Variants in SORBS2 observed in about 807,000 individuals in gnomAD.
SORBS2 encodes sorbin and SH3 domain containing 2.
Under a neutral mutation model 97.7 loss-of-function variants are expected in SORBS2, and 46 were observed. The observed-to-expected ratio is 0.47, with a 90% confidence interval of 0.37 to 0.60. The LOEUF (loss-of-function observed/expected upper bound fraction) is 0.60, where lower values mean the gene tolerates loss of function less well. Among genes scored for constraint, SORBS2 ranks in the 20% least tolerant of loss-of-function variants. The pLI is 0.00. For missense variants in SORBS2, 1,316 were observed against 1,282.3 expected, an observed-to-expected ratio of 1.03 and a Z score of -0.40; for synonymous variants, 476 against 473.4, an observed-to-expected ratio of 1.01 and a Z score of -0.07.
intron 1 of SORBS2, among the ~76,000 whole-genome samples, chr4:185,951,384 C>T (rs948173619): frequency 1.3e-5 from 2 of 152,194 alleles, no homozygotes; most frequent in Admixed American, 1.3e-4. Context: ...TAATCCAGGG[C>T]CTTCCTCCAG....
intron 1 of SORBS2, among the ~76,000 whole-genome samples, chr4:185,938,843 C>A (rs189261083): frequency 1.8e-3 from 278 of 152,246 alleles, no homozygotes; most frequent in African/African-American, 6.5e-3. Flanking sequence ...ACATGCCTGG[C>A]AATACACCAG....
At chr4:185,851,341 A>AT (rs1478662273) in intron 1 of SORBS2, among the ~76,000 whole-genome samples, 1 of 152,160 alleles carries the variant, frequency 6.6e-6, no homozygotes, top group Non-Finnish European at 1.5e-5. Flanking sequence ...AGAAACAGGT[A>AT]TTTTTTAAAG....
At chr4:185,764,146 G>C (rs752123419) in intron 2 of SORBS2, among the ~76,000 whole-genome samples, 1 of 152,160 alleles carries the variant, frequency 6.6e-6, no homozygotes, top group Admixed American at 6.5e-5. Flanking sequence ...GGAAACTCAA[G>C]CATATCCAGC....
chr4:185,591,147 G>A (rs1323956009), intron 13 of SORBS2, among the ~76,000 whole-genome samples: 3 of 152,070 alleles, frequency 2.0e-5, no homozygotes, highest in Non-Finnish European at 2.9e-5. Context: ...GCTTCCCCCC[G>A]TTCATCCAGC....
intron 5 of SORBS2, among the ~76,000 whole-genome samples, chr4:185,628,893 A>G (rs953244221): frequency 6.6e-6 from 1 of 152,236 alleles, no homozygotes; most frequent in African/African-American, 2.4e-5. Flanking sequence ...GTACAGTATC[A>G]TTTAAGACCA....
At chr4:185,877,627 G>A (rs2099234319) in intron 1 of SORBS2, among the ~76,000 whole-genome samples, 1 of 152,028 alleles carries the variant, frequency 6.6e-6, no homozygotes. Flanking sequence ...ATCACTTGGG[G>A]AGGCCAAGAC....
At chr4:185,749,365 G>A (rs1584065280) in intron 2 of SORBS2, among the ~76,000 whole-genome samples, 1 of 152,346 alleles carries the variant, frequency 6.6e-6, no homozygotes, top group East Asian at 1.9e-4. Context: ...AGATTTAATT[G>A]TTTTGATCTT....
intron 1 of SORBS2, among the ~76,000 whole-genome samples, chr4:185,847,149 A>T (rs1238377218): frequency 6.6e-6 from 1 of 152,208 alleles, no homozygotes; most frequent in Non-Finnish European, 1.5e-5. Context: ...TTCAGTGTTG[A>T]TAGAGTCTGA....
chr4:185,913,991 A>C (rs974709398), intron 1 of SORBS2, among the ~76,000 whole-genome samples: 5 of 152,192 alleles, frequency 3.3e-5, no homozygotes, highest in Non-Finnish European at 7.3e-5. Flanking sequence ...TTCAGAGCAC[A>C]AACCTTCAAA....
rs1562279118 is a variant in SORBS2, at chr4:185,749,470, CTT to C, written c.-198+25755_-198+25756del. 1.4e-4 allele frequency among the ~76,000 whole-genome samples: 21 copies of C among 151,190 alleles called. No homozygotes were observed. The East Asian group carries it at 3.7e-3, about 26-fold the overall frequency. On this transcript the variant is annotated intron_variant, in intron 2 of 20. Transcript: ENST00000284776. ...AAGCAATGACAAGAAAGAAAAAAAACTTTTAAGATGAAATCCTGATGGGATTG... is the reference window on the plus strand; with the variant it reads ...AAGCAATGACAAGAAAGAAAAAAAACTTAAGATGAAATCCTGATGGGATTG...
At chr4:185,850,456 G>A (rs1293719780) in intron 1 of SORBS2, among the ~76,000 whole-genome samples, 1 of 152,226 alleles carries the variant, frequency 6.6e-6, no homozygotes, top group East Asian at 1.9e-4. Flanking sequence ...ATGACAGCAT[G>A]TAGCTCCTTG....
intron 2 of SORBS2, among the ~76,000 whole-genome samples, chr4:185,731,786 TCCTCCCTGCCTATCTCTTTCCCTC>T (rs2098634984): frequency 3.2e-5 from 1 of 31,674 alleles, no homozygotes; most frequent in African/African-American, 1.4e-4. Flanking sequence ...CTCTCTCTCT[TCCTCCCTGCCTATCTCTTTCCCTC>T]CCTCCCTGCC....
intron 1 of SORBS2, among the ~76,000 whole-genome samples, chr4:185,933,811 G>A (rs1025120324): frequency 6.6e-6 from 1 of 152,098 alleles, no homozygotes; most frequent in Non-Finnish European, 1.5e-5. Context: ...AATATGAATT[G>A]GAAAGGAAAC....
intron 4 of SORBS2, among the ~76,000 whole-genome samples, chr4:185,675,824 T>G (rs1157551081): frequency 6.6e-6 from 1 of 152,180 alleles, no homozygotes; most frequent in Non-Finnish European, 1.5e-5. Context: ...TTGCACATCT[T>G]GATTGGCTGA....
chr4:185,674,098 C>T (rs1169708951), intron 4 of SORBS2, among the ~76,000 whole-genome samples: 2 of 152,216 alleles, frequency 1.3e-5, no homozygotes, highest in Admixed American at 6.5e-5. Flanking sequence ...TAGCCAATGG[C>T]TGATACCTCC....
chr4:185,805,501 T>C (rs2099149466), intron 1 of SORBS2, among the ~76,000 whole-genome samples: 1 of 152,218 alleles, frequency 6.6e-6, no homozygotes, highest in South Asian at 2.1e-4. Context: ...GCTGCCATTC[T>C]AAAGCGAGTC....
At chr4:185,908,467 C>T (rs115800231) in intron 1 of SORBS2, among the ~76,000 whole-genome samples, 4,355 of 149,392 alleles carry the variant, frequency 0.029, 205 homozygotes, top group African/African-American at 0.1. Flanking sequence ...CAGGCCTATT[C>T]TCAATGAAAA....
At chr4:185,689,316 A>C (rs569312115) in intron 2 of SORBS2, among the ~76,000 whole-genome samples, 50 of 152,294 alleles carry the variant, frequency 3.3e-4, no homozygotes, top group African/African-American at 1.2e-3. Context: ...CTTCTGCTGG[A>C]GTGACTTTGT....
chr4:185,911,714 T>C (rs2099255207), intron 1 of SORBS2, among the ~76,000 whole-genome samples: 1 of 152,198 alleles, frequency 6.6e-6, no homozygotes, highest in Non-Finnish European at 1.5e-5. Flanking sequence ...GGGCTTAATA[T>C]GGTTATAGTT....
Sources: gnomAD v4.1 joint callset for allele counts (sites outside exome capture counted in the v4.1 genomes callset) on GRCh38, gnomAD v4.1.1 for gene constraint, MANE v1.5 for transcripts, NCBI Gene and HGNC (gene_info 2026-07-23, HGNC 2026-07-21) for gene names.